The following ZNF292 variants were observed in gnomAD, a reference collection of about 807,000 sequenced individuals.
ZNF292 encodes the protein 16 zinc-finger domain protein.
In ZNF292, 26 loss-of-function variants were observed where a neutral mutation model predicts 217.9. The ratio of observed to expected loss-of-function variants is 0.12; its 90% confidence interval spans 0.09 to 0.17. The LOEUF (loss-of-function observed/expected upper bound fraction) is 0.17. Among genes scored for constraint, ZNF292 ranks in the 10% least tolerant of loss-of-function variants. The pLI, the probability that ZNF292 is intolerant of heterozygous loss-of-function variation, is 1.00. For missense variants in ZNF292, 2,904 were observed against 3,175.2 expected, an observed-to-expected ratio of 0.91 and a Z score of 2.05; for synonymous variants, 1,257 against 1,124.1, an observed-to-expected ratio of 1.12 and a Z score of -2.37.
Position 87,255,241 on chromosome 6 carries a change from C to A in ZNF292, c.1612C>A (p.Gln538Lys). The change falls in exon 8 of 8, where the codon CAA becomes AAA. Residue 538 changes from glutamine to lysine, a missense_variant. Transcript: ENST00000369577. ...TATATCTGCTCGGTTTAGGAATTGG[C>A]AAGCCTACATGCAGTATTGTGTGTT... is the stretch of plus-strand genomic sequence containing the variant. The part of the protein sequence containing the change: ...GFISARFRNW[Q>K]AYMQYCVLCD... 6.2e-7 allele frequency: 1 copy of A among 1,613,842 alleles called. No individual in the cohort carries two copies. Among genetic ancestry groups the A allele is most frequent in the South Asian group, 1.1e-5 (1 of 91,074 alleles).
intron 5 of ZNF292, among the ~76,000 whole-genome samples, chr6:87,235,015 G>T (rs935978603): frequency 1.3e-5 from 2 of 152,116 alleles, no homozygotes; most frequent in Non-Finnish European, 2.9e-5. Context: ...AGATGGAGTG[G>T]AACCATGGTC....
rs527967030 is a variant in ZNF292 at position 87,263,271 on chromosome 6, T to C, written c.*1470T>C. 2 of 152,228 alleles carry C rather than the reference T, an allele frequency of 1.3e-5. No homozygotes were observed. The highest frequency in any genetic ancestry group is 3.9e-4 in the East Asian group (2 of 5,190). The allele number at this position is 152,228 out of a possible 1,614,324, so 9.4% of individuals were successfully genotyped here. A position where few individuals can be genotyped will look rare whatever the true frequency, so the allele number is the denominator to read the frequency against. Reference sequence around the variant, plus strand: ...GAAAACATCTTTGCAATATTTACTTTTGTTTCTGTTTGCCGTAAATAGTAA... The same window carrying C: ...GAAAACATCTTTGCAATATTTACTTCTGTTTCTGTTTGCCGTAAATAGTAA... On this transcript the variant is annotated 3_prime_UTR_variant, in exon 8 of 8. Coordinates refer to ENST00000369577, the MANE Select transcript of ZNF292 (RefSeq NM_015021.3).
At chr6:87,207,080 G>A (rs1368421055) in intron 1 of ZNF292, among the ~76,000 whole-genome samples, 1 of 152,184 alleles carries the variant, frequency 6.6e-6, no homozygotes, top group African/African-American at 2.4e-5. Context: ...AACTAAGGTA[G>A]CTGGTACATC....
At position 87,261,810 on chromosome 6, in the gene ZNF292, G is replaced by A. The variant is rs757055867; in HGVS notation, c.*9G>A. On this transcript the variant is annotated 3_prime_UTR_variant, in exon 8 of 8. Coordinates refer to ENST00000369577, the MANE Select transcript of ZNF292 (RefSeq NM_015021.3). ...GCAGAGGTCAGTACTGATAATTAAT[G>A]TAGTATAAATACATCATTTACCATT... 20 of 1,565,358 alleles carry A rather than the reference G, an allele frequency of 1.3e-5. No homozygotes were observed. Among genetic ancestry groups the A allele is most frequent in the Non-Finnish European group, 1.7e-5 (20 of 1,148,752 alleles).
chr6:87,231,077 A>G (rs895268801), intron 4 of ZNF292, among the ~76,000 whole-genome samples: 1 of 152,208 alleles, frequency 6.6e-6, no homozygotes, highest in African/African-American at 2.4e-5. Flanking sequence ...GTAACATTAT[A>G]AGGAAAAACA....
chr6:87,163,190 G>A (rs1275388787), intron 1 of ZNF292, among the ~76,000 whole-genome samples: 2 of 152,150 alleles, frequency 1.3e-5, no homozygotes, highest in East Asian at 3.8e-4. Context: ...GGTGGCTCAC[G>A]CCTGTAATCC....
chr6:87,198,180 T>TTTTA (rs146558783), intron 1 of ZNF292, among the ~76,000 whole-genome samples: 3,202 of 147,602 alleles, frequency 0.022, 57 homozygotes, highest in Middle Eastern at 0.035. Flanking sequence ...TGCATGTTTA[T>TTTTA]TTTATTTATT....
In ZNF292 at chr6:87,259,126, A is replaced by G; in HGVS notation, c.5497A>G (p.Lys1833Glu). ...CATTCCTCAGTCTGAAGTATCACATAAGGAGGATCAAATACAGGAAATTTT... is the reference window on the plus strand; with the variant it reads ...CATTCCTCAGTCTGAAGTATCACATGAGGAGGATCAAATACAGGAAATTTT... Reference protein sequence around the residue: ...SNIPQSEVSHKEDQIQEILEG... With the variant: ...SNIPQSEVSHEEDQIQEILEG... Residue 1833 changes from lysine (K) to glutamate (E), a missense_variant, in exon 8 of 8, where the codon AAG becomes GAG. Physicochemically the swap from Lys to Glu is moderately conservative, Grantham distance 56. Coordinates refer to ENST00000369577, the MANE Select transcript of ZNF292 (RefSeq NM_015021.3). 1.9e-6 allele frequency: 3 copies of G among 1,613,368 alleles called. No individual in the cohort carries two copies. The highest frequency in any genetic ancestry group is 1.1e-5 in the South Asian group (1 of 91,064).
chr6:87,162,398 C>T (rs1456999566), intron 1 of ZNF292, among the ~76,000 whole-genome samples: 1 of 152,048 alleles, frequency 6.6e-6, no homozygotes, highest in East Asian at 1.9e-4. Flanking sequence ...AAGCATTTTC[C>T]TTAAAAATTA....
intron 1 of ZNF292, among the ~76,000 whole-genome samples, chr6:87,196,854 C>T (rs751463043): frequency 1.2e-4 from 18 of 151,994 alleles, no homozygotes; most frequent in Non-Finnish European, 2.1e-4. Flanking sequence ...CATAAAAAGA[C>T]GGACATATTT....
intron 1 of ZNF292, among the ~76,000 whole-genome samples, chr6:87,191,257 C>T (rs1040938457): frequency 4.6e-5 from 7 of 151,586 alleles, no homozygotes; most frequent in Non-Finnish European, 7.4e-5. Flanking sequence ...CACATAAAAT[C>T]CACTAATACT....
Position 87,170,302 on chromosome 6 carries a change from C to T in ZNF292, c.168+14543C>T, listed in dbSNP as rs181998257. ...GGCTTGGGATTTTTTTTAATTGCCT[C>T]CCTAAAATAGGATAGTGCACATTGC... On this transcript the variant is annotated intron_variant, in intron 1 of 7. Transcript: ENST00000369577. The T allele has an allele frequency of 4.6e-5, 7 of 151,998 alleles. No individual in the cohort carries two copies. In the East Asian group the frequency reaches 1.4e-3, roughly 29 times the overall value. The allele number at this position is 151,998 out of a possible 1,614,324, so 9.4% of individuals were successfully genotyped here.
intron 1 of ZNF292, among the ~76,000 whole-genome samples, chr6:87,160,018 T>G (rs1770680064): frequency 6.9e-6 from 1 of 144,346 alleles, no homozygotes; most frequent in Non-Finnish European, 1.6e-5. Context: ...CCTTTTAGAC[T>G]AGTTAATTGT....
chr6:87,155,586 G>A lies in ZNF292; in HGVS notation c.-6G>A, dbSNP rs753723470. ...AGGTGCGTACGCGACGGAGCGGGGT[G>A]TGAAGATGGCGGACGAAGAGGCCGA... On this transcript the variant is annotated 5_prime_UTR_variant, in exon 1 of 8. The change creates a new upstream start codon in the 5' untranslated region. Coordinates refer to ENST00000369577, the MANE Select transcript of ZNF292 (RefSeq NM_015021.3). 9 of 1,575,934 alleles carry A rather than the reference G, an allele frequency of 5.7e-6. No individual in the cohort carries two copies. In the Admixed American group the frequency reaches 1.1e-4, roughly 20 times the overall value.
At chr6:87,253,781 T>C (rs1416592430) in intron 7 of ZNF292, among the ~76,000 whole-genome samples, 1 of 152,240 alleles carries the variant, frequency 6.6e-6, no homozygotes, top group Middle Eastern at 3.2e-3. Context: ...TTGTTGCCTT[T>C]TGATCCTGTA....
At chr6:87,251,964 C>T (rs1774940174) in intron 7 of ZNF292, among the ~76,000 whole-genome samples, 1 of 152,120 alleles carries the variant, frequency 6.6e-6, no homozygotes, top group Non-Finnish European at 1.5e-5. Context: ...TGGAATTCCC[C>T]TTTTAAATAA....
intron 5 of ZNF292, among the ~76,000 whole-genome samples, chr6:87,239,136 C>T (rs1774067445): frequency 6.6e-6 from 1 of 152,282 alleles, no homozygotes; most frequent in African/African-American, 2.4e-5. Context: ...ACATTTCCCC[C>T]TTTTCTATTC....
At chr6:87,168,179 T>A (rs943816083) in intron 1 of ZNF292, among the ~76,000 whole-genome samples, 4 of 152,210 alleles carry the variant, frequency 2.6e-5, no homozygotes, top group Non-Finnish European at 5.9e-5. Context: ...TGAAGACCTA[T>A]GAGATCATAG....
chr6:87,200,464 TA>T (rs141781065), intron 1 of ZNF292, among the ~76,000 whole-genome samples: 7,727 of 150,790 alleles, frequency 0.051, 283 homozygotes, highest in East Asian at 0.088. Flanking sequence ...ACTAGACATT[TA>T]AAAAAAAAAT....
Sources: allele counts gnomAD v4.1 joint callset (sites outside exome capture counted in the v4.1 genomes callset), GRCh38; gene constraint gnomAD v4.1.1; transcripts MANE v1.5; gene names NCBI Gene and HGNC (gene_info 2026-07-23, HGNC 2026-07-21).